Variants in MED13L observed in about 807,000 individuals in gnomAD.
The protein encoded by MED13L is mediator complex subunit 13L.
Under a neutral mutation model 220.9 loss-of-function variants are expected in MED13L, and 7 were observed. The ratio of observed to expected loss-of-function variants is 0.03; its 90% CI spans 0.02 to 0.06. The LOEUF (loss-of-function observed/expected upper bound fraction) is 0.06, where lower values mean the gene tolerates loss of function less well. Ranked by LOEUF, MED13L falls within the 10% of genes least tolerant of loss-of-function variation. The probability of loss-of-function intolerance (pLI) is 1.00; values close to 1 mark genes in which losing one functional copy is unlikely to be tolerated. For missense variants in MED13L, 1,965 were observed against 2,760.5 expected (o/e 0.71, Z 6.46); for synonymous variants, 1,011 against 1,015.2 (o/e 1.00, Z 0.08).
chr12:116,161,701 C>A (rs1188301485), intron 2 of MED13L, among the ~76,000 whole-genome samples: 1 of 152,140 alleles, frequency 6.6e-6, no homozygotes, highest in East Asian at 1.9e-4. Context: ...GGAGGAGCTG[C>A]TTACTCAAAC....
At chr12:116,233,720 A>G (rs1271459687) in intron 2 of MED13L, among the ~76,000 whole-genome samples, 1 of 152,226 alleles carries the variant, frequency 6.6e-6, no homozygotes, top group African/African-American at 2.4e-5. Flanking sequence ...ACTGAGGCAC[A>G]GTTTAAGTTA....
At chr12:116,041,148 T>A (rs1881501063) in intron 4 of MED13L, among the ~76,000 whole-genome samples, 1 of 152,142 alleles carries the variant, frequency 6.6e-6, no homozygotes, top group Admixed American at 6.5e-5. Context: ...AATCCTCATG[T>A]GTTGAGGGAG....
chr12:115,997,592 T>C (rs184091825), intron 14 of MED13L, among the ~76,000 whole-genome samples: 1 of 152,242 alleles, frequency 6.6e-6, no homozygotes, highest in Admixed American at 6.5e-5. Flanking sequence ...CAGCTAATTT[T>C]TGTATTTTTG....
intron 24 of MED13L, 41 bp from the exon 25 acceptor site, chr12:115,975,354 A>G: frequency 6.2e-7 from 1 of 1,613,776 alleles, no homozygotes; most frequent in African/African-American, 1.3e-5. Flanking sequence ...GGGTCCCTAG[A>G]TAAATCAGAG....
intron 2 of MED13L, among the ~76,000 whole-genome samples, chr12:116,180,354 A>G (rs1253063941): frequency 2.6e-5 from 4 of 152,330 alleles, no homozygotes; most frequent in Non-Finnish European, 1.5e-5. Context: ...ACCTCCTATG[A>G]CAGGCTGCAG....
At chr12:116,088,639 A>G (rs1250673785) in intron 4 of MED13L, among the ~76,000 whole-genome samples, 1 of 151,834 alleles carries the variant, frequency 6.6e-6, no homozygotes, top group African/African-American at 2.4e-5. Context: ...AAGTAAAGAA[A>G]TTTCAGCTTC....
chr12:116,061,207 G>A (rs1869452945), intron 4 of MED13L, among the ~76,000 whole-genome samples: 1 of 152,014 alleles, frequency 6.6e-6, no homozygotes. Context: ...TAAGTCATGA[G>A]ACTCGTTTAT....
In MED13L at chr12:115,960,553, T is replaced by C. The variant is rs1875694548; in HGVS notation, c.*713A>G. 1 of 153,544 alleles carries C rather than the reference T, an allele frequency of 6.5e-6. No homozygotes were observed. The highest frequency in any genetic ancestry group is 2.0e-4 in the South Asian group (1 of 4,916). 9.5% of individuals were successfully genotyped at this position (153,544 alleles called of 1,614,324 possible). ...TTCCGGCTTCTAGGACAGAGGTATG[T>C]AGTCAAAGAATCCTATGGTGGATCT... On this transcript the variant is annotated 3_prime_UTR_variant, in exon 31 of 31. Transcript: ENST00000281928.
intron 9 of MED13L, 122 bp downstream of exon 9, chr12:116,012,675 T>G: frequency 1.2e-6 from 1 of 807,380 alleles, no homozygotes; most frequent in Non-Finnish European, 2.2e-6. Context: ...AAAACTAATC[T>G]TTTTCTTCTC....
chr12:116,070,076 A>G (rs1331493728), intron 4 of MED13L, among the ~76,000 whole-genome samples: 5 of 152,234 alleles, frequency 3.3e-5, no homozygotes, highest in Admixed American at 1.3e-4. Flanking sequence ...CAAGTTTTAC[A>G]AAGTGTAAAT....
At chr12:116,244,019 G>C (rs1870879241) in intron 1 of MED13L, among the ~76,000 whole-genome samples, 1 of 152,170 alleles carries the variant, frequency 6.6e-6, no homozygotes, top group African/African-American at 2.4e-5. Context: ...AACATTTCAG[G>C]AAACTATTGA....
In MED13L at chr12:116,019,941, C is replaced by A. The variant is rs1383216225; in HGVS notation, c.657G>T (p.Thr219=). The change falls in exon 6 of 31, where the codon ACG becomes ACT. Residue 219 remains threonine, a synonymous_variant. Transcript: ENST00000281928. ...VLVSPYGLNG[T]LTGQAYKMSD... ...ACATCTTGTATGCTTGGCCTGTTAG[C>A]GTCCCATTTAAGCCATAAGGACTTA... 1.9e-6 allele frequency: 3 copies of A among 1,613,534 alleles called. No individual in the cohort carries two copies. The South Asian group carries it at 3.3e-5, about 18-fold the overall frequency.
chr12:116,118,909 A>G (rs2137939430), intron 2 of MED13L, among the ~76,000 whole-genome samples: 1 of 152,336 alleles, frequency 6.6e-6, no homozygotes, highest in East Asian at 1.9e-4. Context: ...AATGTCTTAA[A>G]TTTTAAATTA....
At chr12:116,167,999 T>A (rs559711643) in intron 2 of MED13L, among the ~76,000 whole-genome samples, 5 of 152,272 alleles carry the variant, frequency 3.3e-5, no homozygotes, top group Non-Finnish European at 7.4e-5. Flanking sequence ...AAAATAAAAA[T>A]CATTTTAACA....
intron 2 of MED13L, among the ~76,000 whole-genome samples, chr12:116,148,063 A>T (rs1877689848): frequency 1.5e-5 from 2 of 131,896 alleles, no homozygotes; most frequent in African/African-American, 2.7e-5. Context: ...AAAAAAAAAA[A>T]AAAAAAAAAA....
chr12:116,230,596 T>C (rs1869460598), intron 2 of MED13L: 1 of 442,772 alleles, frequency 2.3e-6, no homozygotes, highest in South Asian at 9.6e-5. Flanking sequence ...CAGGGATTAA[T>C]TTCAATGACT....
intron 2 of MED13L, among the ~76,000 whole-genome samples, chr12:116,230,721 G>A (rs897196801): frequency 1.3e-5 from 2 of 152,030 alleles, no homozygotes; most frequent in Non-Finnish European, 1.5e-5. Context: ...TCTTATTCCT[G>A]TCAATTTATA....
chr12:116,179,557 C>T (rs564265352), intron 2 of MED13L, among the ~76,000 whole-genome samples: 2 of 151,490 alleles, frequency 1.3e-5, no homozygotes, highest in South Asian at 2.1e-4. Context: ...ATAGGGACTG[C>T]GAGCTATGAT....
At chr12:116,023,883 AATAAT>A (rs1458399481) in intron 4 of MED13L, among the ~76,000 whole-genome samples, 3 of 152,240 alleles carry the variant, frequency 2.0e-5, no homozygotes, top group African/African-American at 7.2e-5. Context: ...ATAGGTATAA[AATAAT>A]ATAAACAGTA....
Sources: gnomAD v4.1 joint callset for allele counts (sites outside exome capture counted in the v4.1 genomes callset) on GRCh38, gnomAD v4.1.1 for gene constraint, MANE v1.5 for transcripts, NCBI Gene and HGNC (gene_info 2026-07-23, HGNC 2026-07-21) for gene names.